The following TMPRSS9 variants were observed in gnomAD, a reference collection of about 807,000 sequenced individuals.
TMPRSS9 encodes transmembrane serine protease 9.
A neutral mutation model predicts 111.4 loss-of-function variants in TMPRSS9; 113 were observed. The ratio of observed to expected loss-of-function variants is 1.01; its 90% confidence interval spans 0.87 to 1.19. The LOEUF (loss-of-function observed/expected upper bound fraction) is 1.19, where lower values mean the gene tolerates loss of function less well. Among genes scored for constraint, TMPRSS9 ranks in the 50% most tolerant of loss-of-function variants. The probability of loss-of-function intolerance (pLI) is 0.00; values close to 1 mark genes in which losing one functional copy is unlikely to be tolerated. For synonymous variants in TMPRSS9, 805 were observed against 659.1 expected, an observed-to-expected ratio of 1.22 and a Z score of -3.39; for missense variants, 1,803 against 1,513.1, an observed-to-expected ratio of 1.19 and a Z score of -3.18.
At chr19:2,392,660 T>C (rs545464750) in intron 1 of TMPRSS9, among the ~76,000 whole-genome samples, 8 of 152,340 alleles carry the variant, frequency 5.3e-5, no homozygotes, top group African/African-American at 1.9e-4. Flanking sequence ...GTGAACACTC[T>C]GTGTCTAGCT....
At chr19:2,363,564 C>T (rs1416474045) in intron 1 of TMPRSS9, among the ~76,000 whole-genome samples, 5 of 151,566 alleles carry the variant, frequency 3.3e-5, no homozygotes, top group African/African-American at 7.3e-5. Flanking sequence ...CGTGATTCCC[C>T]GTGCATCTGT....
Position 2,416,418 on chromosome 19 carries a change from T to C in TMPRSS9, c.1746-120T>C. 5.3e-6 allele frequency: 7 copies of C among 1,324,924 alleles called. No individual in the cohort carries two copies. In the South Asian group the frequency reaches 1.1e-4, roughly 20 times the overall value. The allele number at this position is 1,324,924 out of a possible 1,614,324, so 82.1% of individuals were successfully genotyped here. A position where few individuals can be genotyped will look rare whatever the true frequency, so the allele number is the denominator to read the frequency against. On this transcript the variant is annotated intron_variant, in intron 11 of 17. Transcript: ENST00000648592. ...CTCCCTGGAGCCGAAGGTCAGAGGA[T>C]GGTCCTGGGGCCCAGGCAGCCCTGT...
intron 1 of TMPRSS9, among the ~76,000 whole-genome samples, chr19:2,378,133 G>T (rs1269550989): frequency 6.6e-6 from 1 of 152,100 alleles, no homozygotes. Flanking sequence ...TCTTGCCTTG[G>T]TTTCCCAAAG....
chr19:2,377,342 C>T (rs894104531), intron 1 of TMPRSS9, among the ~76,000 whole-genome samples: 5 of 146,074 alleles, frequency 3.4e-5, no homozygotes, highest in Non-Finnish European at 7.5e-5. Flanking sequence ...ACTGTGTTGC[C>T]CAGGCTGGTC....
intron 13 of TMPRSS9, among the ~76,000 whole-genome samples, chr19:2,420,770 C>G (rs764581773): frequency 6.6e-6 from 1 of 152,144 alleles, no homozygotes; most frequent in Admixed American, 6.6e-5. Flanking sequence ...CTTGCATAGT[C>G]TTTTCTTCCT....
At chr19:2,402,560 A>G (rs1013620717) in intron 5 of TMPRSS9, among the ~76,000 whole-genome samples, 8 of 151,890 alleles carry the variant, frequency 5.3e-5, no homozygotes, top group Non-Finnish European at 1.2e-4. Context: ...ACCAACATGG[A>G]GAAACCCCAT....
At chr19:2,363,561 CCCCGTGCATCTG>C (rs1054744316) in intron 1 of TMPRSS9, among the ~76,000 whole-genome samples, 1 of 151,650 alleles carries the variant, frequency 6.6e-6, no homozygotes, top group Non-Finnish European at 1.5e-5. Context: ...TCGCGTGATT[CCCCGTGCATCTG>C]TGCGTGCAAC....
chr19:2,414,231 A>G lies in TMPRSS9; in HGVS notation c.1573+213A>G, dbSNP rs1008297816. ...CATGTCTTGTTAACTATGGCGATCT[A>G]TCAATGGGATACTTTTTTTTTTTTT... On this transcript the variant is annotated intron_variant, in intron 10 of 17. Coordinates refer to ENST00000648592, the Ensembl canonical transcript of TMPRSS9. The G allele has an allele frequency of 9.6e-6, 5 of 518,380 alleles. No homozygotes were observed. The Admixed American group carries it at 1.7e-4, about 18-fold the overall frequency. 32.1% of individuals were successfully genotyped at this position (518,380 alleles called of 1,614,324 possible). A position where few individuals can be genotyped will look rare whatever the true frequency, so the allele number is the denominator to read the frequency against.
At chr19:2,391,705 A>T (rs1970601097) in intron 1 of TMPRSS9, among the ~76,000 whole-genome samples, 1 of 150,056 alleles carries the variant, frequency 6.7e-6, no homozygotes, top group South Asian at 2.1e-4. Flanking sequence ...GATAAATATA[A>T]TTCCCATCAG....
At chr19:2,398,851 A>G (rs10407225) in exon 3 of TMPRSS9, 600,157 of 1,515,018 alleles carry the variant, frequency 0.4, 125,612 homozygotes, top group African/African-American at 0.69. Flanking sequence ...GTTGCTCGGT[A>G]CTGAATTATA....
chr19:2,368,474 G>T (rs1970263890), intron 1 of TMPRSS9, among the ~76,000 whole-genome samples: 1 of 152,190 alleles, frequency 6.6e-6, no homozygotes, highest in African/African-American at 2.4e-5. Flanking sequence ...AGTGAAGCTG[G>T]GGCTGAAGGA....
chr19:2,405,618 G>T (rs560397781), intron 7 of TMPRSS9, 73 bp downstream of exon 8: 12 of 1,402,642 alleles, frequency 8.6e-6, no homozygotes, highest in East Asian at 2.8e-5. Context: ...CACTGGGGAC[G>T]TCACTTCTGG....
Position 2,424,275 on chromosome 19 carries a change from CA to C in TMPRSS9, c.2717+21del. 1 of 1,345,628 alleles carries C rather than the reference CA, an allele frequency of 7.4e-7. No homozygotes were observed. Among genetic ancestry groups the C allele is most frequent in the Non-Finnish European group, 9.6e-7 (1 of 1,038,246 alleles). 83.4% of individuals were successfully genotyped at this position (1,345,628 alleles called of 1,614,324 possible). On this transcript the variant is annotated intron_variant, in intron 15 of 17. Transcript: ENST00000648592. The stretch of plus-strand genomic sequence containing the variant: ...TTCGACGTGTGAGTTCCAAACGCTC[CA>C]AATGCCCCTACATGTCTCTGTAGCT...
chr19:2,411,159 G>C (rs1420865062), intron 9 of TMPRSS9, among the ~76,000 whole-genome samples: 1 of 151,498 alleles, frequency 6.6e-6, no homozygotes, highest in Non-Finnish European at 1.5e-5. Context: ...AATTAGCCTG[G>C]CGTGGTGGCA....
intron 6 of TMPRSS9, 103 bp downstream of exon 7, chr19:2,403,298 GGCCT>G: frequency 1.0e-6 from 1 of 972,952 alleles, no homozygotes; most frequent in East Asian, 2.6e-5. Flanking sequence ...TGGGCACACA[GGCCT>G]GGCATTTATG....
rs747396449 is a variant in TMPRSS9 at position 2,408,990 on chromosome 19, A to AAGT, written c.1117+361_1117+362insGTA. Among the ~76,000 whole-genome samples the AAGT allele has an allele frequency of 2.4e-5, 3 of 125,008 alleles. No homozygotes were observed. The East Asian group carries it at 6.9e-4, about 29-fold the overall frequency. 82.0% of individuals were successfully genotyped at this position (125,008 alleles called of 152,430 possible). ...GGTGACAGTGGGAGGCTCCATCTCAAAATAATAATAATAATAATAATAATA... is the reference window on the plus strand; with the variant it reads ...GGTGACAGTGGGAGGCTCCATCTCAAAGTAATAATAATAATAATAATAATAATA... On this transcript the variant is annotated intron_variant, in intron 8 of 17. Coordinates refer to ENST00000648592, the Ensembl canonical transcript of TMPRSS9.
intron 13 of TMPRSS9, among the ~76,000 whole-genome samples, chr19:2,418,359 CTCCCT>C (rs1162652721): frequency 3.8e-5 from 1 of 26,404 alleles, no homozygotes; most frequent in Non-Finnish European, 6.2e-5. Flanking sequence ...CCCTCCCTCC[CTCCCT>C]TCCCTTCCCT....
At chr19:2,418,022 C>G in exon 13 of TMPRSS9, 1 of 1,611,754 alleles carries the variant, frequency 6.2e-7, no homozygotes, top group African/African-American at 1.3e-5. Flanking sequence ...CGAGCTCCTG[C>G]AGAAGGCGTC....
In TMPRSS9 at chr19:2,362,283, T is replaced by C. The variant is rs116478666; in HGVS notation, c.-26+1923T>C. ...AACTGTGTGTATAGTTGTGTGGTCATGTGTGGTTGCGTATAGTTATGTCAT... is the reference window on the plus strand; with the variant it reads ...AACTGTGTGTATAGTTGTGTGGTCACGTGTGGTTGCGTATAGTTATGTCAT... On this transcript the variant is annotated intron_variant, in intron 1 of 17. Transcript: ENST00000649857. Among the ~76,000 whole-genome samples, 1,313 of 152,188 alleles carry C rather than the reference T, an allele frequency of 8.6e-3. 22 individuals carry two copies. Among genetic ancestry groups the C allele is most frequent in the African/African-American group, 0.028 (1,149 of 41,510 alleles).
Sources: gnomAD v4.1 joint callset for allele counts (sites outside exome capture counted in the v4.1 genomes callset) on GRCh38, gnomAD v4.1.1 for gene constraint, MANE v1.5 for transcripts, NCBI Gene and HGNC (gene_info 2026-07-23, HGNC 2026-07-21) for gene names.